CHCHD6: variants seen among roughly 807,000 people sequenced by gnomAD.
The protein encoded by CHCHD6 is coiled-coil-helix-coiled-coil-helix domain containing 6.
A neutral mutation model predicts 32.3 loss-of-function variants in CHCHD6; 28 were observed. The ratio of observed to expected loss-of-function variants is 0.87; its 90% CI spans 0.64 to 1.19. CHCHD6 has a LOEUF of 1.19. CHCHD6 is among the 50% of genes most tolerant of loss of function. The pLI is 0.00. For synonymous variants in CHCHD6, 122 were observed against 117.5 expected (o/e 1.04, Z -0.25); for missense variants, 333 against 307.0 (o/e 1.08, Z -0.63).
chr3:126,960,376 T>A lies in CHCHD6; in HGVS notation c.*175T>A. The A allele has an allele frequency of 1.4e-6, 1 of 701,722 alleles. No homozygotes were observed. The highest frequency in any genetic ancestry group is 2.4e-6 in the Non-Finnish European group (1 of 411,732). The allele number at this position is 701,722 out of a possible 1,614,324, so 43.5% of individuals were successfully genotyped here. Reference sequence around the variant, plus strand: ...GTATGCGCTACTGTCTGAAAACAAATAAAGCAGATGCCTTTGTTTTCAGTC... The same window carrying A: ...GTATGCGCTACTGTCTGAAAACAAAAAAAGCAGATGCCTTTGTTTTCAGTC... On this transcript the variant is annotated 3_prime_UTR_variant, in exon 8 of 8. Coordinates refer to ENST00000290913, the MANE Select transcript of CHCHD6 (RefSeq NM_032343.3).
At chr3:126,773,857 C>T (rs946142306) in intron 4 of CHCHD6, among the ~76,000 whole-genome samples, 7 of 152,066 alleles carry the variant, frequency 4.6e-5, no homozygotes, top group African/African-American at 1.2e-4. Flanking sequence ...CCTCCTGCCT[C>T]GGCCTCCCAA....
rs1363702595 is a variant in CHCHD6, at chr3:126,833,748, G to C, written c.412-18899G>C. Among the ~76,000 whole-genome samples, 5 of 152,268 alleles carry C rather than the reference G, an allele frequency of 3.3e-5. No individual in the cohort carries two copies. In the East Asian group the frequency reaches 9.7e-4, roughly 29 times the overall value. ...CACTGTATTTGCTGGCCTGTGTTTTGCTTTTGTTAGAATTACCAATAACGT... is the reference window on the plus strand; with the variant it reads ...CACTGTATTTGCTGGCCTGTGTTTTCCTTTTGTTAGAATTACCAATAACGT... On this transcript the variant is annotated intron_variant, in intron 4 of 7. Coordinates refer to ENST00000290913, the MANE Select transcript of CHCHD6 (RefSeq NM_032343.3).
chr3:126,842,533 G>A (rs1286973814), intron 4 of CHCHD6, among the ~76,000 whole-genome samples: 2 of 152,154 alleles, frequency 1.3e-5, no homozygotes, highest in Admixed American at 6.5e-5. Flanking sequence ...ATCTGTCTTC[G>A]TAGTCCTGCT....
intron 4 of CHCHD6, among the ~76,000 whole-genome samples, chr3:126,837,758 TG>T (rs1369409644): frequency 6.6e-6 from 1 of 152,206 alleles, no homozygotes; most frequent in Admixed American, 6.5e-5. Context: ...GCTTTTGCCC[TG>T]ACCAATATCT....
intron 4 of CHCHD6, among the ~76,000 whole-genome samples, chr3:126,810,259 T>C (rs565593567): frequency 5.3e-5 from 8 of 152,352 alleles, no homozygotes; most frequent in African/African-American, 1.7e-4. Flanking sequence ...TGTTGAACCA[T>C]ACACATGTTT....
At chr3:126,792,969 A>G (rs1251773856) in intron 4 of CHCHD6, among the ~76,000 whole-genome samples, 3 of 151,854 alleles carry the variant, frequency 2.0e-5, no homozygotes, top group Non-Finnish European at 4.4e-5. Context: ...CAAGGAATTG[A>G]CCCTTTTATC....
intron 5 of CHCHD6, among the ~76,000 whole-genome samples, chr3:126,870,967 G>A (rs1319950253): frequency 6.6e-6 from 1 of 152,182 alleles, no homozygotes; most frequent in Non-Finnish European, 1.5e-5. Context: ...TCTCGAGAGT[G>A]CCTGCAGCGA....
intron 1 of CHCHD6, among the ~76,000 whole-genome samples, chr3:126,720,956 A>G (rs902283364): frequency 6.6e-6 from 1 of 152,200 alleles, no homozygotes; most frequent in African/African-American, 2.4e-5. Flanking sequence ...CCCTTTTACA[A>G]TGTGGGATTT....
At position 126,918,623 on chromosome 3, in the gene CHCHD6, T is replaced by C. The variant is rs539875743; in HGVS notation, c.566+3873T>C. ...CATTTTAAACAGCTGGATTAGTATG[T>C]GCAAAGGCCCTGAGACAAGAAGCAA... On this transcript the variant is annotated intron_variant, in intron 6 of 7. Transcript: ENST00000290913. Among the ~76,000 whole-genome samples the C allele has an allele frequency of 1.3e-4, 20 of 152,316 alleles. No homozygotes were observed. In the East Asian group the frequency reaches 3.9e-3, roughly 29 times the overall value.
chr3:126,801,713 T>G (rs1444599811), intron 4 of CHCHD6, among the ~76,000 whole-genome samples: 1 of 152,168 alleles, frequency 6.6e-6, no homozygotes, highest in African/African-American at 2.4e-5. Context: ...AGAGCAGTGG[T>G]TCTCCCAGCA....
chr3:126,822,146 A>G (rs1323677358), intron 4 of CHCHD6, among the ~76,000 whole-genome samples: 1 of 152,102 alleles, frequency 6.6e-6, no homozygotes, highest in East Asian at 1.9e-4. Context: ...TGCCCAGTTT[A>G]AGGTCATGAA....
At chr3:126,942,023 AC>A (rs1179233335) in intron 6 of CHCHD6, among the ~76,000 whole-genome samples, 23 of 151,960 alleles carry the variant, frequency 1.5e-4, no homozygotes, top group Non-Finnish European at 4.4e-5. Context: ...GTCTCTCTCC[AC>A]CCTGACAGAC....
chr3:126,759,063 C>A (rs1487261204), intron 4 of CHCHD6, among the ~76,000 whole-genome samples: 1 of 152,202 alleles, frequency 6.6e-6, no homozygotes, highest in African/African-American at 2.4e-5. Context: ...TCTCGCCAGT[C>A]CAGCCCTGCG....
intron 6 of CHCHD6, among the ~76,000 whole-genome samples, chr3:126,948,378 A>G (rs1200321271): frequency 6.6e-6 from 1 of 152,154 alleles, no homozygotes; most frequent in Non-Finnish European, 1.5e-5. Flanking sequence ...CGGGACACAC[A>G]TACTGTTGGG....
At chr3:126,787,319 G>T (rs1236042737) in intron 4 of CHCHD6, among the ~76,000 whole-genome samples, 1 of 151,980 alleles carries the variant, frequency 6.6e-6, no homozygotes, top group Non-Finnish European at 1.5e-5. Flanking sequence ...CTCTTTTTTG[G>T]TTCCATATGA....
chr3:126,889,700 C>T (rs1419350435), intron 5 of CHCHD6, among the ~76,000 whole-genome samples: 2 of 152,250 alleles, frequency 1.3e-5, no homozygotes, highest in Non-Finnish European at 2.9e-5. Flanking sequence ...CGCCACTGCA[C>T]ATCTTTCTTT....
intron 5 of CHCHD6, among the ~76,000 whole-genome samples, chr3:126,865,063 C>CCTT (rs1491504468): frequency 4.1e-5 from 6 of 146,036 alleles, no homozygotes; most frequent in South Asian, 2.1e-4. Context: ...TCCTCCTCCT[C>CCTT]CTTTTCCACC....
chr3:126,905,210 C>T (rs2077987915), intron 5 of CHCHD6, among the ~76,000 whole-genome samples: 1 of 152,188 alleles, frequency 6.6e-6, no homozygotes, highest in Admixed American at 6.5e-5. Context: ...AAGCGGGTCC[C>T]AGTCTAAGCC....
intron 6 of CHCHD6, among the ~76,000 whole-genome samples, chr3:126,915,700 G>T (rs1259653892): frequency 6.6e-6 from 1 of 152,210 alleles, no homozygotes; most frequent in Non-Finnish European, 1.5e-5. Context: ...GCTGTGCAGA[G>T]AACTGTGAGG....
Sources: gnomAD v4.1 joint callset for allele counts (sites outside exome capture counted in the v4.1 genomes callset) on GRCh38, gnomAD v4.1.1 for gene constraint, MANE v1.5 for transcripts, NCBI Gene and HGNC (gene_info 2026-07-23, HGNC 2026-07-21) for gene names.